Variants in DCDC1 observed in about 807,000 individuals in gnomAD.
The protein encoded by DCDC1 is doublecortin domain-containing protein 1.
Under a neutral mutation model 178.3 loss-of-function variants are expected in DCDC1, and 200 were observed. The observed-to-expected ratio is 1.12, with a 90% CI of 1.00 to 1.26. DCDC1 has a LOEUF of 1.26. Among genes scored for constraint, DCDC1 ranks in the 50% most tolerant of loss-of-function variants. DCDC1 has a pLI of 0.00. For missense variants in DCDC1, 1,983 were observed against 1,749.2 expected, an observed-to-expected ratio of 1.13 and a Z score of -2.38; for synonymous variants, 690 against 604.8, an observed-to-expected ratio of 1.14 and a Z score of -2.07.
chr11:31,156,603 T>A (rs1334874860), intron 9 of DCDC1, among the ~76,000 whole-genome samples: 2 of 152,214 alleles, frequency 1.3e-5, no homozygotes, highest in Non-Finnish European at 2.9e-5. Flanking sequence ...TTGCCATCTT[T>A]TTTCATACTA....
At chr11:31,044,294 G>A (rs1490499178) in intron 20 of DCDC1, among the ~76,000 whole-genome samples, 1 of 151,998 alleles carries the variant, frequency 6.6e-6, no homozygotes. Context: ...TGGCTAACGT[G>A]GTGAAACCCT....
At chr11:30,948,877 C>T (rs1314622522) in intron 21 of DCDC1, among the ~76,000 whole-genome samples, 1 of 152,108 alleles carries the variant, frequency 6.6e-6, no homozygotes, top group Admixed American at 6.6e-5. Context: ...AAGACTTAAA[C>T]ATAAGACCTA....
intron 18 of DCDC1, among the ~76,000 whole-genome samples, chr11:31,077,333 A>G (rs958627964): frequency 6.6e-5 from 10 of 152,226 alleles, no homozygotes; most frequent in Admixed American, 5.9e-4. Context: ...CCTGCCATAT[A>G]GTATTCCAAT....
Position 31,062,903 on chromosome 11 carries a change from G to A in DCDC1, c.2591+1566C>T, listed in dbSNP as rs1399376324. Reference sequence around the variant, plus strand: ...GTTGGTGTGCTGCACCCATTAACTCGTCATTTAGCATTAGGTATATCTCCT... The same window carrying A: ...GTTGGTGTGCTGCACCCATTAACTCATCATTTAGCATTAGGTATATCTCCT... On this transcript the variant is annotated intron_variant, in intron 20 of 38. Coordinates refer to ENST00000684477, the MANE Select transcript of DCDC1 (RefSeq NM_001387274.1). Among the ~76,000 whole-genome samples the A allele has an allele frequency of 1.3e-4, 19 of 149,276 alleles. No homozygotes were observed. In the South Asian group the frequency reaches 2.8e-3, roughly 22 times the overall value.
intron 17 of DCDC1, among the ~76,000 whole-genome samples, chr11:31,083,355 T>A (rs1352078934): frequency 6.6e-6 from 1 of 152,156 alleles, no homozygotes. Flanking sequence ...AGACTAAAGA[T>A]AGAAAAGAGG....
intron 17 of DCDC1, among the ~76,000 whole-genome samples, chr11:31,088,771 T>C (rs973172118): frequency 2.6e-5 from 4 of 152,100 alleles, no homozygotes; most frequent in Non-Finnish European, 5.9e-5. Context: ...GGTTGGAGTG[T>C]AGTGGTGCAA....
chr11:31,332,834 G>T (rs982812311), intron 2 of DCDC1, among the ~76,000 whole-genome samples: 1 of 152,158 alleles, frequency 6.6e-6, no homozygotes, highest in Admixed American at 6.5e-5. Context: ...CTCCAGTGTG[G>T]TGCTGAGAAG....
At chr11:31,105,640 T>G (rs969756910) in intron 13 of DCDC1, among the ~76,000 whole-genome samples, 5 of 152,046 alleles carry the variant, frequency 3.3e-5, no homozygotes, top group African/African-American at 1.2e-4. Context: ...CCTTAGAGAT[T>G]TTTTAATTCT....
intron 9 of DCDC1, among the ~76,000 whole-genome samples, chr11:31,166,420 C>A (rs1053499292): frequency 2.6e-5 from 4 of 152,078 alleles, no homozygotes; most frequent in Non-Finnish European, 4.4e-5. Context: ...GACTTTACAG[C>A]AGAGGGAATG....
intron 9 of DCDC1, among the ~76,000 whole-genome samples, chr11:31,187,530 A>T (rs530629672): frequency 1.3e-5 from 2 of 152,380 alleles, no homozygotes; most frequent in Admixed American, 1.3e-4. Context: ...TAATTGGAAC[A>T]TCATAAAAAT....
intron 20 of DCDC1, among the ~76,000 whole-genome samples, chr11:30,991,986 T>A (rs1457301988): frequency 6.6e-6 from 1 of 152,220 alleles, no homozygotes; most frequent in African/African-American, 2.4e-5. Flanking sequence ...AGGCCTAGTA[T>A]GTGCCATGCA....
At chr11:31,041,135 C>T (rs904390157) in intron 20 of DCDC1, among the ~76,000 whole-genome samples, 2 of 152,188 alleles carry the variant, frequency 1.3e-5, no homozygotes, top group Non-Finnish European at 2.9e-5. Flanking sequence ...TGCACTGTTC[C>T]ATGCTCTTAG....
chr11:31,330,520 T>C (rs1270726809), intron 2 of DCDC1, among the ~76,000 whole-genome samples: 6 of 152,228 alleles, frequency 3.9e-5, no homozygotes, highest in African/African-American at 1.4e-4. Flanking sequence ...CTAGGGTTTT[T>C]ATGGTTTTAG....
chr11:31,110,710 CAAA>C (rs10714067), intron 11 of DCDC1, among the ~76,000 whole-genome samples: 3 of 142,460 alleles, frequency 2.1e-5, no homozygotes. Flanking sequence ...AAGCAAGTGT[CAAA>C]AAAAAAAAAA....
At position 31,110,320 on chromosome 11, in the gene DCDC1, A is replaced by G. The variant is rs1283982722; in HGVS notation, c.1527T>C (p.Gly509=). 6 of 709,348 alleles carry G rather than the reference A, an allele frequency of 8.5e-6. No homozygotes were observed. The highest frequency in any genetic ancestry group is 1.6e-5 in the Non-Finnish European group (6 of 386,976). 43.9% of individuals were successfully genotyped at this position (709,348 alleles called of 1,614,324 possible). ...NGKNTGEISV[G]ISKKDLGSDS... Reference sequence around the variant, plus strand: ...CCGATCCCAAATCTTTTTTACTGATACCAACAGAGATCTCTCCAGTGTTTT... The same window carrying G: ...CCGATCCCAAATCTTTTTTACTGATGCCAACAGAGATCTCTCCAGTGTTTT... Residue 509 remains glycine, a synonymous_variant, in exon 12 of 39, where the codon GGT becomes GGC. Transcript: ENST00000684477.
chr11:30,954,253 G>A (rs1319273225), intron 20 of DCDC1, among the ~76,000 whole-genome samples: 3 of 151,816 alleles, frequency 2.0e-5, no homozygotes, highest in African/African-American at 7.3e-5. Context: ...CTGACCTCGT[G>A]ATCTGCCGGC....
At chr11:30,888,106 G>GAAAGAAAGAA (rs1565029841) in intron 36 of DCDC1, among the ~76,000 whole-genome samples, 1 of 84,874 alleles carries the variant, frequency 1.2e-5, no homozygotes, top group Non-Finnish European at 2.4e-5. Flanking sequence ...GAAAAAGAAA[G>GAAAGAAAGAA]AAAGAAAGAA....
rs190904408 is a variant in DCDC1, at chr11:31,360,549, A to T, written c.-125+9148T>A. On this transcript the variant is annotated intron_variant, in intron 1 of 38. Transcript: ENST00000684477. ...AACAGCAAATAACTAATAATAAAAT[A>T]GAACAATTATAAGAATATACTGTAA... Among the ~76,000 whole-genome samples, 524 of 152,332 alleles carry T rather than the reference A, an allele frequency of 3.4e-3. 1 individual carries two copies. Among genetic ancestry groups the T allele is most frequent in the Middle Eastern group, 6.8e-3 (2 of 294 alleles).
chr11:31,015,697 T>A (rs574719280), intron 20 of DCDC1, among the ~76,000 whole-genome samples: 2 of 152,316 alleles, frequency 1.3e-5, no homozygotes, highest in Admixed American at 1.3e-4. Context: ...AATGAAGACA[T>A]CCTTAATACG....
Sources: gnomAD v4.1 joint callset for allele counts (sites outside exome capture counted in the v4.1 genomes callset) on GRCh38, gnomAD v4.1.1 for gene constraint, MANE v1.5 for transcripts, NCBI Gene and HGNC (gene_info 2026-07-23, HGNC 2026-07-21) for gene names.